CCL28: variants seen among roughly 807,000 people sequenced by gnomAD.
CCL28 encodes the protein C-C motif chemokine 28.
Under a neutral mutation model 7.1 loss-of-function variants are expected in CCL28, and 4 were observed. The observed-to-expected ratio is 0.56, with a 90% CI of 0.28 to 1.29. CCL28 has a LOEUF of 1.29. Among genes scored for constraint, CCL28 ranks in the 50% most tolerant of loss-of-function variants. The pLI is 0.11. For missense variants in CCL28, 151 were observed against 163.4 expected, an observed-to-expected ratio of 0.92 and a Z score of 0.41; for synonymous variants, 55 against 57.8, an observed-to-expected ratio of 0.95 and a Z score of 0.22.
At chr5:43,384,325 T>C (rs1740249208) in intron 2 of CCL28, among the ~76,000 whole-genome samples, 1 of 152,148 alleles carries the variant, frequency 6.6e-6, no homozygotes, top group South Asian at 2.1e-4. Flanking sequence ...TTCAAAGACT[T>C]GCTGGTGAGG....
intron 1 of CCL28, among the ~76,000 whole-genome samples, chr5:43,408,153 G>T (rs569201690): frequency 4.5e-4 from 68 of 152,312 alleles, no homozygotes; most frequent in Non-Finnish European, 8.7e-4. Context: ...TTACCCAAAG[G>T]ATTATAAATC....
intron 1 of CCL28, among the ~76,000 whole-genome samples, chr5:43,397,420 T>C (rs978626984): frequency 6.6e-6 from 1 of 151,608 alleles, no homozygotes; most frequent in African/African-American, 2.4e-5. Context: ...TTTTTTTTCT[T>C]GCATTTCTGT....
the CCL28 span, among the ~76,000 whole-genome samples, chr5:43,364,559 T>G: frequency 6.6e-6 from 1 of 152,212 alleles, no homozygotes. Context: ...CCTTATGGTA[T>G]ATTAATCTCA....
chr5:43,396,217 A>G (rs571961462), intron 1 of CCL28, among the ~76,000 whole-genome samples: 26 of 152,224 alleles, frequency 1.7e-4, no homozygotes, highest in African/African-American at 5.8e-4. Flanking sequence ...TGACGTTGCC[A>G]TGGCATTTGT....
At chr5:43,390,185 G>A (rs562258530) in intron 1 of CCL28, among the ~76,000 whole-genome samples, 2 of 152,310 alleles carry the variant, frequency 1.3e-5, no homozygotes, top group South Asian at 4.1e-4. Flanking sequence ...AAGCTGATAA[G>A]AGGTCGGGGA....
chr5:43,393,165 T>C (rs1387250819), intron 1 of CCL28, among the ~76,000 whole-genome samples: 1 of 152,166 alleles, frequency 6.6e-6, no homozygotes. Flanking sequence ...CTTCCCCCTT[T>C]ATTCCATACT....
chr5:43,384,046 T>C (rs1451162809), intron 2 of CCL28: 1 of 169,060 alleles, frequency 5.9e-6, no homozygotes, highest in Non-Finnish European at 1.3e-5. Flanking sequence ...GCTGAGATCA[T>C]GTCACTGCAC....
At chr5:43,384,937 C>T (rs1362933861) in intron 2 of CCL28, among the ~76,000 whole-genome samples, 1 of 150,928 alleles carries the variant, frequency 6.6e-6, no homozygotes, top group Non-Finnish European at 1.5e-5. Context: ...GACGGAGTCA[C>T]CCAGGCTGGA....
At chr5:43,400,160 T>G (rs1740974560) in intron 1 of CCL28, among the ~76,000 whole-genome samples, 1 of 152,094 alleles carries the variant, frequency 6.6e-6, no homozygotes, top group African/African-American at 2.4e-5. Context: ...TCTGGTGTTA[T>G]TTCTATTAGT....
intron 1 of CCL28, among the ~76,000 whole-genome samples, chr5:43,401,385 G>A (rs9687416): frequency 0.036 from 5,407 of 152,254 alleles, 262 homozygotes; most frequent in African/African-American, 0.11. Context: ...ACACTAGAGT[G>A]GTCAGGGGAT....
At position 43,412,236 on chromosome 5, in the gene CCL28, C is replaced by T. The variant is rs1420348375; in HGVS notation, c.64+17G>A. ...CCCTTTCCAGTGAAGGCCTAAGTGTCCAGTGCCCCCACTCACCTTCTGAGG... is the reference window on the plus strand; with the variant it reads ...CCCTTTCCAGTGAAGGCCTAAGTGTTCAGTGCCCCCACTCACCTTCTGAGG... On this transcript the variant is annotated intron_variant, in intron 1 of 2. Transcript: ENST00000361115. The T allele has an allele frequency of 6.2e-7, 1 of 1,606,136 alleles. No individual in the cohort carries two copies. Among genetic ancestry groups the T allele is most frequent in the Admixed American group, 1.7e-5 (1 of 59,570 alleles).
intron 1 of CCL28, among the ~76,000 whole-genome samples, chr5:43,402,455 A>C (rs1159319523): frequency 6.6e-6 from 1 of 152,210 alleles, no homozygotes; most frequent in African/African-American, 2.4e-5. Context: ...TTTGTGTTGA[A>C]TAGATATACT....
chr5:43,364,273 G>A, the CCL28 span, among the ~76,000 whole-genome samples: 3 of 151,710 alleles, frequency 2.0e-5, no homozygotes, highest in Non-Finnish European at 4.4e-5. Context: ...AAAAGGAAAG[G>A]ACAGTAATTT....
intron 1 of CCL28, among the ~76,000 whole-genome samples, chr5:43,408,633 T>C (rs951602270): frequency 2.0e-5 from 3 of 151,926 alleles, no homozygotes; most frequent in African/African-American, 7.3e-5. Flanking sequence ...GACCTTTAAG[T>C]ATAATAAAAA....
the CCL28 span, among the ~76,000 whole-genome samples, chr5:43,366,108 C>T: frequency 6.6e-6 from 1 of 152,284 alleles, no homozygotes; most frequent in African/African-American, 2.4e-5. Flanking sequence ...TGGGTTAGAA[C>T]ATGCTTCTTT....
rs1347725807 is a variant in CCL28 at position 43,393,428 on chromosome 5, C to T, written c.65-4952G>A. Among the ~76,000 whole-genome samples the T allele has an allele frequency of 9.9e-5, 15 of 151,918 alleles. No homozygotes were observed. The East Asian group carries it at 2.7e-3, about 27-fold the overall frequency. ...GGAGGGCAGTGGCACAATCTCGGCT[C>T]ACTGCAACCTCCACCTCCTGGGTTC... On this transcript the variant is annotated intron_variant, in intron 1 of 2. Coordinates refer to ENST00000361115, the MANE Select transcript of CCL28 (RefSeq NM_148672.3).
chr5:43,373,007 G>T (rs1739815974), downstream of CCL28, among the ~76,000 whole-genome samples: 2 of 151,704 alleles, frequency 1.3e-5, no homozygotes, highest in Admixed American at 6.6e-5. Flanking sequence ...CGCCATGTTG[G>T]CTAGGCTGGT....
chr5:43,367,854 A>G, the CCL28 span, among the ~76,000 whole-genome samples: 1 of 152,232 alleles, frequency 6.6e-6, no homozygotes, highest in Non-Finnish European at 1.5e-5. Flanking sequence ...TTATATAGGA[A>G]TTCTGATTGT....
chr5:43,387,113 T>G (rs1438540417), intron 2 of CCL28, among the ~76,000 whole-genome samples: 2 of 152,192 alleles, frequency 1.3e-5, no homozygotes, highest in Non-Finnish European at 2.9e-5. Context: ...ACAAATGGTG[T>G]TAAAACCAGC....
Sources: gnomAD v4.1 joint callset for allele counts (sites outside exome capture counted in the v4.1 genomes callset) on GRCh38, gnomAD v4.1.1 for gene constraint, MANE v1.5 for transcripts, NCBI Gene and HGNC (gene_info 2026-07-23, HGNC 2026-07-21) for gene names.